The following TMEM132D variants were observed in gnomAD, a reference collection of about 807,000 sequenced individuals.
TMEM132D encodes the protein transmembrane protein 132D.
Under a neutral mutation model 62.3 loss-of-function variants are expected in TMEM132D, and 21 were observed. That is an observed-to-expected ratio of 0.34 (90% CI 0.24 to 0.49). The LOEUF is 0.49. TMEM132D is among the 20% of genes least tolerant of loss of function. The pLI, the probability that TMEM132D is intolerant of heterozygous loss-of-function variation, is 0.99. For missense variants in TMEM132D, 1,346 were observed against 1,402.8 expected (o/e 0.96, Z 0.65); for synonymous variants, 621 against 575.6 (o/e 1.08, Z -1.13).
chr12:129,665,035 C>T (rs1050767145), intron 2 of TMEM132D, among the ~76,000 whole-genome samples: 1 of 152,142 alleles, frequency 6.6e-6, no homozygotes, highest in Admixed American at 6.5e-5. Context: ...CGCTTAACTA[C>T]TACCACATTA....
At chr12:129,884,942 T>C (rs913683782) in intron 1 of TMEM132D, among the ~76,000 whole-genome samples, 1 of 152,132 alleles carries the variant, frequency 6.6e-6, no homozygotes, top group Non-Finnish European at 1.5e-5. Flanking sequence ...TACTCAGTAA[T>C]AAAAAGAAAT....
chr12:129,756,809 A>G (rs1294560071), intron 1 of TMEM132D, among the ~76,000 whole-genome samples: 1 of 152,242 alleles, frequency 6.6e-6, no homozygotes, highest in Non-Finnish European at 1.5e-5. Flanking sequence ...CTGCCTGGCT[A>G]TGCAGCACAA....
intron 4 of TMEM132D, among the ~76,000 whole-genome samples, chr12:129,213,424 G>C (rs896645512): frequency 6.6e-6 from 1 of 152,162 alleles, no homozygotes; most frequent in Admixed American, 6.5e-5. Context: ...TGAGCCCAGC[G>C]AGGTCAAGGC....
intron 3 of TMEM132D, among the ~76,000 whole-genome samples, chr12:129,506,798 G>T (rs750113701): frequency 1.3e-5 from 2 of 152,142 alleles, no homozygotes; most frequent in Non-Finnish European, 2.9e-5. Flanking sequence ...CATTGGCTTA[G>T]GCAAGGATTT....
chr12:129,209,666 G>T lies in TMEM132D; in HGVS notation c.1300-3C>A. On this transcript the variant is annotated splice_region_variant and splice_polypyrimidine_tract_variant and intron_variant, in intron 4 of 8. Coordinates refer to ENST00000422113, the MANE Select transcript of TMEM132D (RefSeq NM_133448.3). Reference sequence around the variant, plus strand: ...GCTGTGTTCAGGATTTCTGCCTCCTGGAAGACCAAACACACCCTTCCATCA... The same window carrying T: ...GCTGTGTTCAGGATTTCTGCCTCCTTGAAGACCAAACACACCCTTCCATCA... The T allele has an allele frequency of 6.2e-7, 1 of 1,614,082 alleles. No homozygotes were observed. The highest frequency in any genetic ancestry group is 8.5e-7 in the Non-Finnish European group (1 of 1,179,974).
Position 129,581,761 on chromosome 12 carries a change from C to G in TMEM132D, c.969-50556G>C, listed in dbSNP as rs549494211. Among the ~76,000 whole-genome samples, 9 of 152,266 alleles carry G rather than the reference C, an allele frequency of 5.9e-5. No homozygotes were observed. In the South Asian group the frequency reaches 1.9e-3, roughly 32 times the overall value. ...GTCCATTGACTCAAATGTCAATCTC[C>G]TTTGGTAATGCCCTCACAGACACAC... is the stretch of plus-strand genomic sequence containing the variant. On this transcript the variant is annotated intron_variant, in intron 2 of 8. Transcript: ENST00000422113.
intron 4 of TMEM132D, among the ~76,000 whole-genome samples, chr12:129,218,499 A>G (rs1041302809): frequency 1.3e-5 from 2 of 151,012 alleles, no homozygotes; most frequent in Non-Finnish European, 2.9e-5. Flanking sequence ...AGTATTTACC[A>G]TGGTAAGTAT....
intron 4 of TMEM132D, among the ~76,000 whole-genome samples, chr12:129,280,702 CCTATCATCTAT>C (rs1302603818): frequency 6.6e-6 from 1 of 152,132 alleles, no homozygotes; most frequent in Admixed American, 6.5e-5. Flanking sequence ...TATCTACCTA[CCTATCATCTAT>C]CAATCATCTG....
At chr12:129,794,804 CTGA>C (rs978444313) in intron 1 of TMEM132D, among the ~76,000 whole-genome samples, 5 of 152,164 alleles carry the variant, frequency 3.3e-5, no homozygotes, top group African/African-American at 7.2e-5. Flanking sequence ...TGTGGCTCTG[CTGA>C]TGTTTGATTT....
intron 1 of TMEM132D, among the ~76,000 whole-genome samples, chr12:129,891,466 G>C (rs1008469748): frequency 6.6e-6 from 1 of 152,166 alleles, no homozygotes; most frequent in Non-Finnish European, 1.5e-5. Flanking sequence ...AATGCCGTTG[G>C]GTGCGGCTGA....
intron 3 of TMEM132D, among the ~76,000 whole-genome samples, chr12:129,452,710 A>G (rs1873334048): frequency 7.1e-6 from 1 of 139,964 alleles, no homozygotes; most frequent in Non-Finnish European, 1.6e-5. Flanking sequence ...GAAAAGAAAG[A>G]AGAAAGGAGG....
chr12:129,316,635 G>C (rs1226056405), intron 4 of TMEM132D, among the ~76,000 whole-genome samples: 1 of 152,076 alleles, frequency 6.6e-6, no homozygotes. Flanking sequence ...TGTTGGGTGA[G>C]ATGTTCTGTA....
chr12:129,442,120 C>A (rs1439137234), intron 3 of TMEM132D, among the ~76,000 whole-genome samples: 1 of 152,148 alleles, frequency 6.6e-6, no homozygotes, highest in Non-Finnish European at 1.5e-5. Flanking sequence ...ACACATGTAC[C>A]CCCGGAATCT....
At chr12:129,151,947 G>A (rs1233456605) in intron 5 of TMEM132D, among the ~76,000 whole-genome samples, 3 of 146,352 alleles carry the variant, frequency 2.0e-5, no homozygotes, top group Admixed American at 7.0e-5. Context: ...GTGCAATCTT[G>A]GCTCACTGCA....
At chr12:129,572,684 G>A (rs1877550541) in intron 2 of TMEM132D, among the ~76,000 whole-genome samples, 1 of 152,048 alleles carries the variant, frequency 6.6e-6, no homozygotes, top group African/African-American at 2.4e-5. Flanking sequence ...CCTGACCTCA[G>A]ATGATCTGCC....
intron 3 of TMEM132D, among the ~76,000 whole-genome samples, chr12:129,393,031 C>A (rs184798646): frequency 3.7e-4 from 57 of 152,228 alleles, no homozygotes; most frequent in Admixed American, 7.8e-4. Context: ...AACGAACAGA[C>A]TTTTTTTTCC....
Position 129,387,698 on chromosome 12 carries a change from A to G in TMEM132D, c.1116-49881T>C, listed in dbSNP as rs368417880. Among the ~76,000 whole-genome samples, 602 of 151,902 alleles carry G rather than the reference A, an allele frequency of 4.0e-3. 4 individuals are homozygous for G. The highest frequency in any genetic ancestry group is 0.012 in the African/African-American group (501 of 41,190). The stretch of plus-strand genomic sequence containing the variant: ...AACACCAATACTAACACCAACACCA[A>G]TCCAGCACTGATGATAATATTAACA... On this transcript the variant is annotated intron_variant, in intron 3 of 8. Transcript: ENST00000422113.
chr12:129,275,656 A>G (rs886307935), intron 4 of TMEM132D, among the ~76,000 whole-genome samples: 1 of 152,220 alleles, frequency 6.6e-6, no homozygotes, highest in Non-Finnish European at 1.5e-5. Context: ...GGCCGCCTGC[A>G]TTCCATGTTT....
At chr12:129,692,321 C>T (rs1365760535) in intron 2 of TMEM132D, among the ~76,000 whole-genome samples, 2 of 152,160 alleles carry the variant, frequency 1.3e-5, no homozygotes, top group Non-Finnish European at 2.9e-5. Flanking sequence ...CATTCACAGG[C>T]TAAAGAAGAA....
Sources: allele counts gnomAD v4.1 joint callset (sites outside exome capture counted in the v4.1 genomes callset), GRCh38; gene constraint gnomAD v4.1.1; transcripts MANE v1.5; gene names NCBI Gene and HGNC (gene_info 2026-07-23, HGNC 2026-07-21).